The following FAM53B variants were observed in gnomAD, a reference collection of about 807,000 sequenced individuals.
FAM53B encodes the protein family with sequence similarity 53 member B.
A neutral mutation model predicts 32.7 loss-of-function variants in FAM53B; 12 were observed. The ratio of observed to expected loss-of-function variants is 0.37; its 90% CI spans 0.24 to 0.59. FAM53B has a LOEUF of 0.59. Ranked by LOEUF, FAM53B falls within the 20% of genes least tolerant of loss-of-function variation. The pLI is 0.72. For missense variants in FAM53B, 477 were observed against 577.7 expected (o/e 0.83, Z 1.79); for synonymous variants, 234 against 228.7 (o/e 1.02, Z -0.21).
In FAM53B at chr10:124,682,984, C is replaced by T. The variant is rs1300901665; in HGVS notation, c.134-605G>A. ...AACTTGTACTGATTTAGGTCACCTC[C>T]GTCAAAATGCTCAACATCAGCGTCA... On this transcript the variant is annotated intron_variant, in intron 3 of 4. Transcript: ENST00000337318. The surrounding 1 kb of genome is among the most constrained non-coding windows in gnomAD (Gnocchi z 5.2). 6.6e-6 allele frequency among the ~76,000 whole-genome samples: 1 copy of T among 152,240 alleles called. No homozygotes were observed. The highest frequency in any genetic ancestry group is 2.4e-5 in the African/African-American group (1 of 41,466).
At chr10:124,628,709 C>G (rs1949371380) in intron 4 of FAM53B, among the ~76,000 whole-genome samples, 1 of 152,228 alleles carries the variant, frequency 6.6e-6, no homozygotes, top group African/African-American at 2.4e-5. Context: ...CGGAACTACT[C>G]TGGGCTGGGA....
At chr10:124,667,684 G>C (rs1949681636) in intron 4 of FAM53B, among the ~76,000 whole-genome samples, 1 of 152,232 alleles carries the variant, frequency 6.6e-6, no homozygotes, top group Non-Finnish European at 1.5e-5. Flanking sequence ...ACAGGGCAGA[G>C]GGCTGCTCTC....
intron 3 of FAM53B, among the ~76,000 whole-genome samples, chr10:124,684,528 A>T (rs897400370): frequency 4.0e-5 from 6 of 151,852 alleles, no homozygotes; most frequent in East Asian, 1.9e-4. Context: ...GTAAAAAAAA[A>T]TTTTTTTTTG....
intron 1 of FAM53B, among the ~76,000 whole-genome samples, chr10:124,726,050 A>G (rs1431931022): frequency 6.6e-6 from 1 of 152,174 alleles, no homozygotes. Flanking sequence ...GCAAAGTTTC[A>G]GTCCCCGACC....
chr10:124,733,400 G>C lies in FAM53B; in HGVS notation c.-175+10613C>G, dbSNP rs1482814507. Among the ~76,000 whole-genome samples the C allele has an allele frequency of 6.6e-6, 1 of 152,226 alleles. No individual in the cohort carries two copies. The highest frequency in any genetic ancestry group is 1.9e-4 in the East Asian group (1 of 5,192). On this transcript the variant is annotated intron_variant, in intron 1 of 4. Coordinates refer to ENST00000337318, the MANE Select transcript of FAM53B (RefSeq NM_014661.4). The surrounding 1 kb of genome is among the most constrained non-coding windows in gnomAD (Gnocchi z 4.3). The stretch of plus-strand genomic sequence containing the variant: ...TCAGGCCCGCCATTCTCGAGTGTCT[G>C]TGTCAGCAGCTTCCCCCTGCCTTTG...
chr10:124,640,744 G>C (rs1015929446), intron 4 of FAM53B, among the ~76,000 whole-genome samples: 1 of 152,212 alleles, frequency 6.6e-6, no homozygotes, highest in African/African-American at 2.4e-5. Context: ...AGGCCACACA[G>C]GGAGTGAGTG....
At position 124,625,668 on chromosome 10, in the gene FAM53B, C is replaced by T. The variant is rs143824052; in HGVS notation, c.907-2064G>A. ...TGTGAGGTGGAAGCCCCAGTGCTTTCGAGGGGAGGGTCTCTGAGGCTCCTC... is the reference window on the plus strand; with the variant it reads ...TGTGAGGTGGAAGCCCCAGTGCTTTTGAGGGGAGGGTCTCTGAGGCTCCTC... On this transcript the variant is annotated intron_variant, in intron 4 of 4. Coordinates refer to ENST00000337318, the MANE Select transcript of FAM53B (RefSeq NM_014661.4). 2.3e-4 allele frequency among the ~76,000 whole-genome samples: 35 copies of T among 152,310 alleles called. No individual in the cohort carries two copies. The East Asian group carries it at 2.3e-3, about 10-fold the overall frequency.
At chr10:124,742,389 A>C (rs1165632779) in intron 1 of FAM53B, 1 of 152,246 alleles carries the variant, frequency 6.6e-6, no homozygotes, top group African/African-American at 2.4e-5. Flanking sequence ...AATTAAAATG[A>C]AACAAAAACC....
intron 4 of FAM53B, among the ~76,000 whole-genome samples, chr10:124,625,766 A>G (rs927661890): frequency 3.3e-5 from 5 of 152,214 alleles, no homozygotes; most frequent in African/African-American, 1.2e-4. Flanking sequence ...AGGGGGCACA[A>G]AACAGGGGCA....
At chr10:124,703,193 CGCCT>C (rs1564882457) in intron 2 of FAM53B, among the ~76,000 whole-genome samples, 1 of 152,092 alleles carries the variant, frequency 6.6e-6, no homozygotes, top group Non-Finnish European at 1.5e-5. Flanking sequence ...TACAGGCGCC[CGCCT>C]GCCACCACAC....
At chr10:124,706,926 A>T (rs1183272505) in intron 1 of FAM53B, 39 bp from the exon 2 acceptor site, 1 of 1,416,752 alleles carries the variant, frequency 7.1e-7, no homozygotes, top group African/African-American at 1.4e-5. Flanking sequence ...TTCAGGACTA[A>T]GAAAGACGAG....
At chr10:124,677,952 G>GA (rs1248922005) in intron 4 of FAM53B, among the ~76,000 whole-genome samples, 1 of 152,230 alleles carries the variant, frequency 6.6e-6, no homozygotes, top group Non-Finnish European at 1.5e-5. Flanking sequence ...CCTGGGCTCT[G>GA]AACACCGAGT....
In FAM53B at chr10:124,705,859, C is replaced by T. The variant is rs556613320; in HGVS notation, c.78+777G>A. 5.9e-5 allele frequency among the ~76,000 whole-genome samples: 9 copies of T among 152,340 alleles called. No individual in the cohort carries two copies. In the South Asian group the frequency reaches 6.2e-4, roughly 11 times the overall value. The stretch of plus-strand genomic sequence containing the variant: ...GGTCCTCACGAGGAGCCGTGAAGGG[C>T]GCCAGGAGGGGTCCTGGGCAAGGTG... On this transcript the variant is annotated intron_variant, in intron 2 of 4. Coordinates refer to ENST00000337318, the MANE Select transcript of FAM53B (RefSeq NM_014661.4).
intron 4 of FAM53B, among the ~76,000 whole-genome samples, chr10:124,664,677 A>G (rs1949657466): frequency 6.6e-6 from 1 of 152,222 alleles, no homozygotes; most frequent in Non-Finnish European, 1.5e-5. Flanking sequence ...ACTCATGCTC[A>G]GTGGTTACCC....
intron 4 of FAM53B, among the ~76,000 whole-genome samples, chr10:124,673,340 C>T (rs1273074228): frequency 1.3e-5 from 2 of 152,168 alleles, no homozygotes; most frequent in African/African-American, 4.8e-5. Context: ...TTCACTCTGC[C>T]GTTGCACACA....
chr10:124,666,561 T>C (rs983351291), intron 4 of FAM53B, among the ~76,000 whole-genome samples: 1 of 152,156 alleles, frequency 6.6e-6, no homozygotes, highest in African/African-American at 2.4e-5. Context: ...GCCCAGGGCC[T>C]GTCATGCTGC....
intron 2 of FAM53B, among the ~76,000 whole-genome samples, chr10:124,701,762 T>C (rs909212830): frequency 2.7e-5 from 4 of 147,792 alleles, no homozygotes; most frequent in Non-Finnish European, 6.0e-5. Flanking sequence ...GCCAGGGCCA[T>C]GGGCACAGCT....
At chr10:124,674,243 G>C (rs1034971611) in intron 4 of FAM53B, among the ~76,000 whole-genome samples, 5 of 152,214 alleles carry the variant, frequency 3.3e-5, no homozygotes, top group African/African-American at 1.2e-4. Flanking sequence ...ATTCCTGAGG[G>C]GAGGACAGTT....
intron 2 of FAM53B, among the ~76,000 whole-genome samples, chr10:124,701,967 G>A (rs556088467): frequency 4.9e-4 from 74 of 152,330 alleles, no homozygotes; most frequent in African/African-American, 1.7e-3. Context: ...GGCTGGGAGG[G>A]AGACCGAGTC....
Sources: allele counts gnomAD v4.1 joint callset (sites outside exome capture counted in the v4.1 genomes callset), GRCh38; gene constraint gnomAD v4.1.1; non-coding constraint Gnocchi (gnomAD v3.1); transcripts MANE v1.5; gene names NCBI Gene and HGNC (gene_info 2026-07-23, HGNC 2026-07-21).